Variants in COP1 observed in about 807,000 individuals in gnomAD.
COP1 encodes COP1 E3 ubiquitin ligase.
COP1 carries 24 observed loss-of-function variants against 101.3 expected under a neutral mutation model. The observed-to-expected ratio is 0.24, with a 90% CI of 0.17 to 0.33. COP1 has a LOEUF of 0.33. Among genes scored for constraint, COP1 ranks in the 10% least tolerant of loss-of-function variants. COP1 has a pLI of 1.00. For missense variants in COP1, 663 were observed against 906.2 expected, an observed-to-expected ratio of 0.73 and a Z score of 3.45; for synonymous variants, 347 against 341.9, an observed-to-expected ratio of 1.01 and a Z score of -0.17.
chr1:175,966,556 A>AT (rs1403503070), intron 18 of COP1, among the ~76,000 whole-genome samples: 3 of 152,174 alleles, frequency 2.0e-5, no homozygotes, highest in African/African-American at 7.2e-5. Flanking sequence ...ACTGAGAAAT[A>AT]TACCAATGCT....
intron 18 of COP1, among the ~76,000 whole-genome samples, chr1:175,984,702 C>T (rs145379854): frequency 1.6e-4 from 24 of 152,338 alleles, no homozygotes; most frequent in Admixed American, 4.6e-4. Context: ...AAGCTGTACC[C>T]TGCAACGCCA....
At chr1:176,149,725 G>C (rs1363303121) in intron 5 of COP1, among the ~76,000 whole-genome samples, 1 of 151,968 alleles carries the variant, frequency 6.6e-6, no homozygotes, top group Non-Finnish European at 1.5e-5. Context: ...GACATTTTCT[G>C]AGTAGCAAAA....
chr1:176,102,360 G>T (rs902634830), intron 9 of COP1, among the ~76,000 whole-genome samples: 3 of 152,140 alleles, frequency 2.0e-5, no homozygotes, highest in Non-Finnish European at 4.4e-5. Context: ...AGTTTTAGCT[G>T]AACTAAGGAG....
chr1:176,027,194 G>A (rs2149066851), intron 15 of COP1, among the ~76,000 whole-genome samples: 1 of 152,254 alleles, frequency 6.6e-6, no homozygotes, highest in East Asian at 1.9e-4. Flanking sequence ...AATAATTGTT[G>A]AAAGAATAGT....
chr1:176,028,894 T>A (rs1668199570), intron 14 of COP1, among the ~76,000 whole-genome samples: 1 of 150,904 alleles, frequency 6.6e-6, no homozygotes, highest in Non-Finnish European at 1.5e-5. Flanking sequence ...GGTAGCTAGG[T>A]GTGTGTCACC....
At chr1:175,951,020 C>T (rs891541590) in intron 18 of COP1, among the ~76,000 whole-genome samples, 12 of 152,116 alleles carry the variant, frequency 7.9e-5, no homozygotes, top group South Asian at 6.2e-4. Context: ...CCAAGGCAGG[C>T]GGATCACCTG....
At chr1:176,097,712 T>C (rs918275207) in intron 9 of COP1, among the ~76,000 whole-genome samples, 1 of 151,642 alleles carries the variant, frequency 6.6e-6, no homozygotes, top group African/African-American at 2.4e-5. Context: ...CTACTAAAAA[T>C]ACAAAAACTA....
At chr1:176,186,736 G>T (rs1698495372) in intron 1 of COP1, among the ~76,000 whole-genome samples, 1 of 152,112 alleles carries the variant, frequency 6.6e-6, no homozygotes, top group Non-Finnish European at 1.5e-5. Context: ...GTGTAGAAAT[G>T]GTTACGGAAG....
chr1:176,154,973 C>T (rs1405443089), intron 5 of COP1, among the ~76,000 whole-genome samples: 2 of 151,758 alleles, frequency 1.3e-5, no homozygotes, highest in Non-Finnish European at 2.9e-5. Context: ...AGAACAAATC[C>T]TTGAAACAAT....
intron 9 of COP1, among the ~76,000 whole-genome samples, chr1:176,112,133 G>T (rs2149569024): frequency 6.6e-6 from 1 of 151,902 alleles, no homozygotes; most frequent in South Asian, 2.1e-4. Flanking sequence ...GGGAGGGGAT[G>T]AGAAGATATT....
chr1:176,206,953 G>A lies in COP1; in HGVS notation c.26C>T (p.Ser9Leu). Residue 9 changes from serine to leucine, a missense_variant, in exon 1 of 20, where the codon TCG (serine) becomes TTG (leucine). Transcript: ENST00000367669. Reference protein sequence around the residue: MSGSRQAGSGSAGTSPGSS... With the variant: MSGSRQAGLGSAGTSPGSS... ...CCCGGGGCTTGTCCCAGCGGAGCCC[G>A]ACCCGGCCTGGCGGCTACCAGACAT... 2 of 1,440,566 alleles carry A rather than the reference G, an allele frequency of 1.4e-6. No individual in the cohort carries two copies. Among genetic ancestry groups the A allele is most frequent in the Non-Finnish European group, 1.8e-6 (2 of 1,100,956 alleles). 89.2% of individuals were successfully genotyped at this position (1,440,566 alleles called of 1,614,324 possible). A position where few individuals can be genotyped will look rare whatever the true frequency, so the allele number is the denominator to read the frequency against.
At chr1:176,162,031 G>C (rs1359163584) in intron 5 of COP1, among the ~76,000 whole-genome samples, 1 of 152,108 alleles carries the variant, frequency 6.6e-6, no homozygotes, top group Non-Finnish European at 1.5e-5. Flanking sequence ...TCCACCATGT[G>C]ATAAAAAAGT....
At chr1:176,192,999 T>A (rs1463686913) in intron 1 of COP1, among the ~76,000 whole-genome samples, 1 of 152,206 alleles carries the variant, frequency 6.6e-6, no homozygotes, top group Non-Finnish European at 1.5e-5. Flanking sequence ...CACTGTATAT[T>A]GCATATACCA....
intron 1 of COP1, among the ~76,000 whole-genome samples, chr1:176,198,575 A>G (rs937003683): frequency 3.3e-5 from 5 of 152,142 alleles, no homozygotes; most frequent in Non-Finnish European, 7.4e-5. Context: ...AAAAATTAAA[A>G]ATAATAAAAA....
intron 11 of COP1, among the ~76,000 whole-genome samples, chr1:176,078,305 G>A (rs1486780804): frequency 2.0e-5 from 3 of 151,940 alleles, no homozygotes; most frequent in Non-Finnish European, 2.9e-5. Flanking sequence ...ACAGACATAA[G>A]ACCAATGGAA....
chr1:176,010,410 A>G (rs769778873), intron 15 of COP1, among the ~76,000 whole-genome samples: 2 of 152,226 alleles, frequency 1.3e-5, no homozygotes, highest in African/African-American at 2.4e-5. Context: ...CTAGTGGGTC[A>G]CTCATTGTAT....
intron 15 of COP1, among the ~76,000 whole-genome samples, chr1:175,998,466 ATAAAAT>A (rs1483069630): frequency 6.6e-6 from 1 of 151,372 alleles, no homozygotes; most frequent in African/African-American, 2.4e-5. Flanking sequence ...TATAATAATA[ATAAAAT>A]TAAAAAAAGA....
At chr1:176,062,732 G>A (rs1233595713) in intron 11 of COP1, among the ~76,000 whole-genome samples, 10 of 151,106 alleles carry the variant, frequency 6.6e-5, no homozygotes, top group Admixed American at 2.0e-4. Context: ...CTAAAACCCA[G>A]ACAAGTTTAT....
intron 15 of COP1, among the ~76,000 whole-genome samples, chr1:176,013,845 A>G (rs1481203827): frequency 6.6e-6 from 1 of 152,226 alleles, no homozygotes; most frequent in Admixed American, 6.5e-5. Context: ...AAAACTATCA[A>G]GGTTATTCTA....
Sources: allele counts gnomAD v4.1 joint callset (sites outside exome capture counted in the v4.1 genomes callset), GRCh38; gene constraint gnomAD v4.1.1; transcripts MANE v1.5; gene names NCBI Gene and HGNC (gene_info 2026-07-23, HGNC 2026-07-21).